Variants in SGCZ observed in about 807,000 individuals in gnomAD.
SGCZ encodes zeta-sarcoglycan.
SGCZ carries 40 observed loss-of-function variants against 41.3 expected under a neutral mutation model. The ratio of observed to expected loss-of-function variants is 0.97; its 90% confidence interval spans 0.75 to 1.26. The LOEUF (loss-of-function observed/expected upper bound fraction) is 1.26, where lower values mean the gene tolerates loss of function less well. SGCZ is among the 50% of genes most tolerant of loss of function. The pLI, the probability that SGCZ is intolerant of heterozygous loss-of-function variation, is 0.00. For missense variants in SGCZ, 552 were observed against 369.8 expected (o/e 1.49, Z -4.04); for synonymous variants, 206 against 137.5 (o/e 1.50, Z -3.49).
chr8:14,701,957 G>A (rs1395311421), intron 1 of SGCZ, among the ~76,000 whole-genome samples: 2 of 151,828 alleles, frequency 1.3e-5, no homozygotes, highest in Non-Finnish European at 1.5e-5. Flanking sequence ...TTTGCCCCCA[G>A]CTATTTCCTA....
At position 14,958,988 on chromosome 8, in the gene SGCZ, A is replaced by G. The variant is rs561609993; in HGVS notation, c.39+278597T>C. Among the ~76,000 whole-genome samples the G allele has an allele frequency of 2.6e-5, 4 of 152,234 alleles. No individual in the cohort carries two copies. In the South Asian group the frequency reaches 6.2e-4, roughly 24 times the overall value. ...TTGAAAGTTTTCTAATGTTTGAACA[A>G]AATAAAACAAATCATGAACTCCTAC... On this transcript the variant is annotated intron_variant, in intron 1 of 7. Transcript: ENST00000382080.
At chr8:15,192,979 C>G (rs1308515604) in intron 1 of SGCZ, among the ~76,000 whole-genome samples, 1 of 152,090 alleles carries the variant, frequency 6.6e-6, no homozygotes, top group Non-Finnish European at 1.5e-5. Flanking sequence ...AAATGACACA[C>G]TTTACCCATT....
At chr8:14,712,328 C>T (rs759127258) in intron 1 of SGCZ, among the ~76,000 whole-genome samples, 8 of 152,220 alleles carry the variant, frequency 5.3e-5, no homozygotes, top group Admixed American at 2.0e-4. Context: ...GTAAACTTCG[C>T]AGAATTGTAA....
At chr8:14,193,612 A>G (rs1320289257) in intron 4 of SGCZ, among the ~76,000 whole-genome samples, 3 of 152,062 alleles carry the variant, frequency 2.0e-5, no homozygotes, top group Non-Finnish European at 1.5e-5. Flanking sequence ...TGTATTCTAA[A>G]TGTAAATGTG....
At chr8:14,475,055 G>A (rs530409507) in intron 2 of SGCZ, among the ~76,000 whole-genome samples, 11 of 152,164 alleles carry the variant, frequency 7.2e-5, no homozygotes, top group Non-Finnish European at 1.5e-4. Flanking sequence ...GAGTTATTTT[G>A]TTGTTGTTTT....
intron 1 of SGCZ, among the ~76,000 whole-genome samples, chr8:14,794,503 C>T (rs1381496285): frequency 6.6e-6 from 1 of 151,968 alleles, no homozygotes; most frequent in Non-Finnish European, 1.5e-5. Context: ...CCAGAATGTA[C>T]AACAAATATC....
chr8:14,924,945 C>T (rs974176075), intron 1 of SGCZ, among the ~76,000 whole-genome samples: 3 of 151,032 alleles, frequency 2.0e-5, no homozygotes, highest in Middle Eastern at 3.4e-3. Flanking sequence ...GCAACCTCTG[C>T]CTTTTGGGTT....
chr8:14,088,717 G>C lies in SGCZ; in HGVS notation c.*1726C>G, dbSNP rs1163193021. Among the ~76,000 whole-genome samples the C allele has an allele frequency of 6.6e-6, 1 of 151,784 alleles. No individual in the cohort carries two copies. Among genetic ancestry groups the C allele is most frequent in the African/African-American group, 2.4e-5 (1 of 41,372 alleles). On this transcript the variant is annotated 3_prime_UTR_variant, in exon 8 of 8. Coordinates refer to ENST00000382080, the MANE Select transcript of SGCZ (RefSeq NM_139167.4). Reference sequence around the variant, plus strand: ...CCTTTGAACCCTTCTGCTGAGTACAGTGGAAATGAGCTTTTTCAGTTATTT... The same window carrying C: ...CCTTTGAACCCTTCTGCTGAGTACACTGGAAATGAGCTTTTTCAGTTATTT...
chr8:14,766,717 A>G (rs1312591535), intron 1 of SGCZ, among the ~76,000 whole-genome samples: 1 of 142,636 alleles, frequency 7.0e-6, no homozygotes, highest in Non-Finnish European at 1.5e-5. Flanking sequence ...ACCTGTCACC[A>G]TGTCCAGCTA....
rs796970411 is a variant in SGCZ, at chr8:14,660,118, A to C, written c.40-105192T>G. Among the ~76,000 whole-genome samples the C allele has an allele frequency of 9.8e-5, 15 of 152,300 alleles. 1 individual carries two copies. The highest frequency in any genetic ancestry group is 3.6e-4 in the African/African-American group (15 of 41,572). Reference sequence around the variant, plus strand: ...CAGACCTCTAACCTCCAGAACCACGAGACAACAAGGAAAACGAAACATGCA... The same window carrying C: ...CAGACCTCTAACCTCCAGAACCACGCGACAACAAGGAAAACGAAACATGCA... On this transcript the variant is annotated intron_variant, in intron 1 of 7. Coordinates refer to ENST00000382080, the MANE Select transcript of SGCZ (RefSeq NM_139167.4).
At chr8:14,279,777 A>G (rs1466769122) in intron 3 of SGCZ, among the ~76,000 whole-genome samples, 2 of 151,986 alleles carry the variant, frequency 1.3e-5, no homozygotes, top group African/African-American at 4.8e-5. Flanking sequence ...TTAGATATTT[A>G]ATAACTGAAT....
intron 1 of SGCZ, among the ~76,000 whole-genome samples, chr8:15,163,604 TGCTTA>T (rs1799574640): frequency 6.6e-6 from 1 of 152,230 alleles, no homozygotes; most frequent in Non-Finnish European, 1.5e-5. Flanking sequence ...TGATAGCTAT[TGCTTA>T]ACTAGAGACC....
chr8:14,652,248 G>T (rs972652707), intron 1 of SGCZ, among the ~76,000 whole-genome samples: 1 of 145,906 alleles, frequency 6.9e-6, no homozygotes, highest in Admixed American at 7.0e-5. Context: ...GGCTGAGGCA[G>T]GAGAATTGCT....
intron 2 of SGCZ, among the ~76,000 whole-genome samples, chr8:14,414,928 C>G (rs1799455040): frequency 6.6e-6 from 1 of 151,910 alleles, no homozygotes; most frequent in African/African-American, 2.4e-5. Context: ...TGATTAGATA[C>G]TTAAAATTAG....
intron 4 of SGCZ, among the ~76,000 whole-genome samples, chr8:14,193,924 T>C (rs935852927): frequency 1.3e-5 from 2 of 151,892 alleles, no homozygotes; most frequent in African/African-American, 4.8e-5. Flanking sequence ...TAATATACTA[T>C]GTTAATTAAA....
chr8:14,570,134 G>A (rs991936125), intron 1 of SGCZ, among the ~76,000 whole-genome samples: 2 of 152,038 alleles, frequency 1.3e-5, no homozygotes, highest in Admixed American at 6.6e-5. Flanking sequence ...TAAGCCATAT[G>A]AAGACCGGGA....
chr8:15,231,347 T>C (rs1187646222), intron 1 of SGCZ, among the ~76,000 whole-genome samples: 1 of 152,186 alleles, frequency 6.6e-6, no homozygotes, highest in Non-Finnish European at 1.5e-5. Flanking sequence ...TGGCTTATCA[T>C]ATTTTTCAGT....
At chr8:15,061,139 C>T (rs1804908974) in intron 1 of SGCZ, among the ~76,000 whole-genome samples, 1 of 143,164 alleles carries the variant, frequency 7.0e-6, no homozygotes, top group Non-Finnish European at 1.6e-5. Context: ...GAATGTATCC[C>T]CCCAAACTCA....
At chr8:14,811,363 C>T (rs1463374531) in intron 1 of SGCZ, among the ~76,000 whole-genome samples, 1 of 151,660 alleles carries the variant, frequency 6.6e-6, no homozygotes, top group East Asian at 1.9e-4. Context: ...AGCTGTAGTG[C>T]TTTAATAAAG....
Sources: gnomAD v4.1 joint callset for allele counts (sites outside exome capture counted in the v4.1 genomes callset) on GRCh38, gnomAD v4.1.1 for gene constraint, MANE v1.5 for transcripts, NCBI Gene and HGNC (gene_info 2026-07-23, HGNC 2026-07-21) for gene names.